IMMP2L: variants seen among roughly 807,000 people sequenced by gnomAD.
IMMP2L encodes the protein mitochondrial inner membrane protease subunit 2.
In IMMP2L, 18 loss-of-function variants were observed where a neutral mutation model predicts 19.3. The observed-to-expected ratio is 0.93, with a 90% CI of 0.64 to 1.38. The LOEUF (loss-of-function observed/expected upper bound fraction) is 1.38, where lower values mean the gene tolerates loss of function less well. Ranked by LOEUF, IMMP2L falls within the 40% of genes most tolerant of loss-of-function variation. The probability of loss-of-function intolerance (pLI) is 0.00; values close to 1 mark genes in which losing one functional copy is unlikely to be tolerated. For missense variants in IMMP2L, 233 were observed against 218.2 expected (o/e 1.07, Z -0.43); for synonymous variants, 76 against 73.0 (o/e 1.04, Z -0.21).
At chr7:110,868,117 T>TTGTGTGTGTGTGTGTGTGTGTGTGTG (rs71151813) in intron 5 of IMMP2L, among the ~76,000 whole-genome samples, 201 of 144,468 alleles carry the variant, frequency 1.4e-3, no homozygotes, top group African/African-American at 3.5e-3. Context: ...CTTGTGAGGT[T>TTGTGTGTGTGTGTGTGTGTGTGTGTG]TGTGTGTGTG....
chr7:111,409,317 C>T (rs561577293), intron 3 of IMMP2L, among the ~76,000 whole-genome samples: 91 of 151,674 alleles, frequency 6.0e-4, no homozygotes, highest in Non-Finnish European at 1.1e-3. Context: ...ATATGGTTAT[C>T]AGCCCACAGC....
intron 2 of IMMP2L, among the ~76,000 whole-genome samples, chr7:111,502,232 C>A (rs1844356942): frequency 6.6e-6 from 1 of 152,134 alleles, no homozygotes; most frequent in Non-Finnish European, 1.5e-5. Context: ...AAGGCCATTA[C>A]ATAATGGTAA....
rs1330438307 is a variant in IMMP2L at position 111,504,580 on chromosome 7, G to A, written c.135+16733C>T. 2.0e-5 allele frequency among the ~76,000 whole-genome samples: 3 copies of A among 152,130 alleles called. No individual in the cohort carries two copies. In the East Asian group the frequency reaches 5.8e-4, roughly 29 times the overall value. On this transcript the variant is annotated intron_variant, in intron 2 of 5. Transcript: ENST00000405709. ...TACCTGACTTCAAACTATACTACAA[G>A]GCTACAGTAACCAAAACAGCATGGT... is the stretch of plus-strand genomic sequence containing the variant.
At chr7:111,165,736 A>G (rs1476147269) in intron 3 of IMMP2L, among the ~76,000 whole-genome samples, 1 of 152,048 alleles carries the variant, frequency 6.6e-6, no homozygotes, top group Non-Finnish European at 1.5e-5. Context: ...TCACAGCACC[A>G]AAACAAATCT....
chr7:111,323,064 T>C (rs1335320538), intron 3 of IMMP2L, among the ~76,000 whole-genome samples: 1 of 151,316 alleles, frequency 6.6e-6, no homozygotes, highest in African/African-American at 2.4e-5. Flanking sequence ...GCAAATAAAA[T>C]GACTTAAACA....
chr7:111,058,567 T>C (rs569030109), intron 3 of IMMP2L, among the ~76,000 whole-genome samples: 39 of 152,304 alleles, frequency 2.6e-4, no homozygotes, highest in Admixed American at 2.4e-3. Flanking sequence ...AATTTGCGCA[T>C]TTATGAATTG....
intron 5 of IMMP2L, among the ~76,000 whole-genome samples, chr7:110,704,711 A>G (rs1275651010): frequency 6.6e-6 from 1 of 152,236 alleles, no homozygotes; most frequent in African/African-American, 2.4e-5. Context: ...TACCTTTTCC[A>G]AAGAAAAGAG....
chr7:110,859,970 T>C (rs1182915548), intron 5 of IMMP2L, among the ~76,000 whole-genome samples: 1 of 152,108 alleles, frequency 6.6e-6, no homozygotes, highest in Non-Finnish European at 1.5e-5. Context: ...CTTAAACTGA[T>C]GTTATATTTT....
At chr7:111,459,777 A>T (rs1305288583) in intron 3 of IMMP2L, among the ~76,000 whole-genome samples, 1 of 152,114 alleles carries the variant, frequency 6.6e-6, no homozygotes, top group African/African-American at 2.4e-5. Flanking sequence ...CTTTTTACTG[A>T]TCAGAAATTC....
chr7:111,315,951 A>G (rs1468395775), intron 3 of IMMP2L, among the ~76,000 whole-genome samples: 1 of 152,184 alleles, frequency 6.6e-6, no homozygotes, highest in Admixed American at 6.6e-5. Context: ...AGGCAATTTC[A>G]TAATTGTGCG....
chr7:110,694,604 T>C (rs1183080711), intron 5 of IMMP2L, among the ~76,000 whole-genome samples: 2 of 152,106 alleles, frequency 1.3e-5, no homozygotes, highest in African/African-American at 4.8e-5. Flanking sequence ...TGCAATTGAC[T>C]GAGGCATAGT....
intron 3 of IMMP2L, among the ~76,000 whole-genome samples, chr7:111,283,032 A>G (rs937563928): frequency 3.3e-5 from 5 of 152,186 alleles, no homozygotes; most frequent in African/African-American, 1.2e-4. Flanking sequence ...ATTATTTTCA[A>G]GCACATGTGG....
At position 111,249,189 on chromosome 7, in the gene IMMP2L, AC is replaced by A. The variant is rs537394959; in HGVS notation, c.239+238048del. On this transcript the variant is annotated intron_variant, in intron 3 of 5. Coordinates refer to ENST00000405709, the MANE Select transcript of IMMP2L (RefSeq NM_032549.4). Reference sequence around the variant, plus strand: ...ATCAGCGAGATTCCGTGGGCGTAGGACCCTCCGAGCCAGGTGTGGGATATAG... The same window carrying A: ...ATCAGCGAGATTCCGTGGGCGTAGGACCTCCGAGCCAGGTGTGGGATATAG... Among the ~76,000 whole-genome samples, 86 of 74,550 alleles carry A rather than the reference AC, an allele frequency of 1.2e-3. 3 individuals carry two copies. The South Asian group carries it at 0.048, about 42-fold the overall frequency. The allele number at this position is 74,550 out of a possible 152,430, so 48.9% of individuals were successfully genotyped here. A position where few individuals can be genotyped will look rare whatever the true frequency, so the allele number is the denominator to read the frequency against.
rs367564414 is a variant in IMMP2L at position 111,426,602 on chromosome 7, G to A, written c.239+60636C>T. On this transcript the variant is annotated intron_variant, in intron 3 of 5. Coordinates refer to ENST00000405709, the MANE Select transcript of IMMP2L (RefSeq NM_032549.4). ...CAAAGGACAAATATCAAAGTACTGT[G>A]TAAATTGTCTACAATCTATTTAGAG... Among the ~76,000 whole-genome samples, 90 of 151,338 alleles carry A rather than the reference G, an allele frequency of 5.9e-4. 5 individuals carry two copies. The highest frequency in any genetic ancestry group is 2.0e-3 in the African/African-American group (84 of 41,202).
At chr7:110,970,414 T>C (rs1052470552) in intron 3 of IMMP2L, among the ~76,000 whole-genome samples, 3 of 152,122 alleles carry the variant, frequency 2.0e-5, no homozygotes, top group Non-Finnish European at 4.4e-5. Context: ...ACAGCACATA[T>C]GTAAAATGTG....
chr7:110,888,231 C>T (rs1163163648), intron 4 of IMMP2L, among the ~76,000 whole-genome samples: 2 of 152,140 alleles, frequency 1.3e-5, no homozygotes, highest in South Asian at 2.1e-4. Flanking sequence ...ATCATATACT[C>T]TGTAATATAA....
intron 3 of IMMP2L, among the ~76,000 whole-genome samples, chr7:111,116,687 AAC>A (rs1475039277): frequency 2.6e-5 from 4 of 152,130 alleles, no homozygotes; most frequent in Non-Finnish European, 5.9e-5. Context: ...AGGCCTAGAA[AAC>A]AGTTTTTATT....
At chr7:110,687,576 G>A (rs567461674) in intron 5 of IMMP2L, among the ~76,000 whole-genome samples, 10 of 152,032 alleles carry the variant, frequency 6.6e-5, no homozygotes, top group Non-Finnish European at 1.5e-4. Flanking sequence ...AGGGACCTAT[G>A]AATTAATTTT....
At chr7:111,436,780 C>T (rs1379283329) in intron 3 of IMMP2L, among the ~76,000 whole-genome samples, 1 of 151,836 alleles carries the variant, frequency 6.6e-6, no homozygotes. Flanking sequence ...TTTATTTTGG[C>T]TTACAGTTCT....
Sources: gnomAD v4.1 joint callset for allele counts (sites outside exome capture counted in the v4.1 genomes callset) on GRCh38, gnomAD v4.1.1 for gene constraint, MANE v1.5 for transcripts, NCBI Gene and HGNC (gene_info 2026-07-23, HGNC 2026-07-21) for gene names.